DOP1A: variants seen among roughly 807,000 people sequenced by gnomAD.
DOP1A encodes DOP1 leucine zipper like protein A, also known as protein DOP1A.
A neutral mutation model predicts 267.6 loss-of-function variants in DOP1A; 90 were observed. That is an observed-to-expected ratio of 0.34 (90% CI 0.28 to 0.40). The LOEUF (loss-of-function observed/expected upper bound fraction) is 0.40, where lower values mean the gene tolerates loss of function less well. Ranked by LOEUF, DOP1A falls within the 10% of genes least tolerant of loss-of-function variation. The pLI is 1.00. For synonymous variants in DOP1A, 932 were observed against 999.1 expected, an observed-to-expected ratio of 0.93 and a Z score of 1.27; for missense variants, 2,437 against 2,900.4, an observed-to-expected ratio of 0.84 and a Z score of 3.67.
chr6:83,111,757 A>G (rs901420849), intron 6 of DOP1A, among the ~76,000 whole-genome samples: 5 of 152,146 alleles, frequency 3.3e-5, no homozygotes, highest in African/African-American at 1.2e-4. Flanking sequence ...TTCCTTATAT[A>G]TTCTGGATAT....
chr6:83,117,119 T>TTTTATTTTATTTTATTTTA (rs1775571298), intron 7 of DOP1A, among the ~76,000 whole-genome samples: 2 of 131,266 alleles, frequency 1.5e-5, no homozygotes, highest in African/African-American at 5.6e-5. Flanking sequence ...TTTTAGTACT[T>TTTTATTTTATTTTATTTTA]TTTTATTTTA....
At chr6:83,116,414 G>A (rs946551674) in intron 7 of DOP1A, among the ~76,000 whole-genome samples, 7 of 152,146 alleles carry the variant, frequency 4.6e-5, no homozygotes, top group African/African-American at 1.7e-4. Flanking sequence ...TACCAATCAT[G>A]TTTATTACTA....
At chr6:83,119,545 T>G (rs1392737771) in intron 8 of DOP1A, among the ~76,000 whole-genome samples, 1 of 152,112 alleles carries the variant, frequency 6.6e-6, no homozygotes, top group Non-Finnish European at 1.5e-5. Flanking sequence ...AAAAGGATAA[T>G]TCTGGAAGAA....
chr6:83,138,624 A>G lies in DOP1A; in HGVS notation c.4582A>G (p.Ile1528Val). The G allele has an allele frequency of 1.9e-6, 3 of 1,613,906 alleles. No individual in the cohort carries two copies. The highest frequency in any genetic ancestry group is 2.2e-5 in the South Asian group (2 of 91,076). Residue 1528 changes from isoleucine to valine, a missense_variant, in exon 21 of 39, where the codon ATT becomes GTT. Ile to Val is a conservative substitution (Grantham distance 29, BLOSUM62 3). Transcript: ENST00000349129. ...MLSKCKVQKVILHCLLSSIFS... is the reference protein window; with the variant it reads ...MLSKCKVQKVVLHCLLSSIFS... Reference sequence around the variant, plus strand: ...ATCTAAGTGCAAAGTTCAGAAAGTGATTCTTCATTGTTTGCTGTCATCTAT... The same window carrying G: ...ATCTAAGTGCAAAGTTCAGAAAGTGGTTCTTCATTGTTTGCTGTCATCTAT...
rs540777728 is a variant in DOP1A, at chr6:83,148,180, G to A, written c.5733-579G>A. 1.1e-4 allele frequency among the ~76,000 whole-genome samples: 17 copies of A among 152,040 alleles called. No homozygotes were observed. In the South Asian group the frequency reaches 1.5e-3, roughly 13 times the overall value. ...TGTAATCTCAGCACTTTGGGAGGCCGAGGCGGGCGGATCACGAACTCAGGA... is the reference window on the plus strand; with the variant it reads ...TGTAATCTCAGCACTTTGGGAGGCCAAGGCGGGCGGATCACGAACTCAGGA... On this transcript the variant is annotated intron_variant, in intron 26 of 38. Coordinates refer to ENST00000349129, the MANE Select transcript of DOP1A (RefSeq NM_015018.4).
Position 83,154,191 on chromosome 6 carries a change from T to A in DOP1A, c.6401T>A (p.Ile2134Asn), listed in dbSNP as rs1782274667. 6.2e-7 allele frequency: 1 copy of A among 1,613,892 alleles called. No homozygotes were observed. Among genetic ancestry groups the A allele is most frequent in the Non-Finnish European group, 8.5e-7 (1 of 1,179,842 alleles). ...CTTATCTCTTTCAGTTGGAGAGCAATTATGGACAATCTGATGACACATGAT... is the reference window on the plus strand; with the variant it reads ...CTTATCTCTTTCAGTTGGAGAGCAAATATGGACAATCTGATGACACATGAT... ...DASCVNHWRA[I>N]MDNLMTHDKT... The change falls in exon 33 of 39, where the codon ATT becomes AAT. Residue 2134 changes from isoleucine to asparagine, a missense_variant. Physicochemically the swap from Ile to Asn is moderately radical, Grantham distance 149. Transcript: ENST00000349129.
chr6:83,159,692 C>G (rs758416021), intron 36 of DOP1A, 104 bp from the exon 37 acceptor site: 18 of 1,288,456 alleles, frequency 1.4e-5, no homozygotes, highest in Middle Eastern at 1.9e-4. Flanking sequence ...GCACATTTAT[C>G]TCAGGATGAT....
intron 7 of DOP1A, among the ~76,000 whole-genome samples, chr6:83,114,959 C>T (rs1273948110): frequency 2.0e-5 from 3 of 152,130 alleles, no homozygotes; most frequent in South Asian, 4.1e-4. Context: ...AGGATTATGA[C>T]GTAGGTACCT....
chr6:83,125,509 A>C lies in DOP1A; in HGVS notation c.1495A>C (p.Ile499Leu). Residue 499 changes from isoleucine to leucine, a missense_variant, in exon 15 of 39, where the codon ATT becomes CTT. By Grantham distance (5) the Ile-to-Leu change is conservative. Transcript: ENST00000349129. ...SMRVLCQETY[I>L]EIQTEHLPQL... Reference sequence around the variant, plus strand: ...TCACTTTTATTTTCAGGAGACTTACATTGAAATCCAGACAGAACACTTGCC... The same window carrying C: ...TCACTTTTATTTTCAGGAGACTTACCTTGAAATCCAGACAGAACACTTGCC... The C allele has an allele frequency of 2.5e-6, 4 of 1,613,020 alleles. No homozygotes were observed. The highest frequency in any genetic ancestry group is 3.4e-6 in the Non-Finnish European group (4 of 1,179,532).
chr6:83,153,558 G>A lies in DOP1A; in HGVS notation c.6177G>A (p.Glu2059=). The A allele has an allele frequency of 6.2e-7, 1 of 1,610,054 alleles. No individual in the cohort carries two copies. The highest frequency in any genetic ancestry group is 8.5e-7 in the Non-Finnish European group (1 of 1,178,380). The change falls in exon 31 of 39, where the codon GAG becomes GAA. Residue 2059 remains glutamate (E), a synonymous_variant. Transcript: ENST00000349129. ...LDMVFYSDEK[E]RVIPLLVNIM... ...TGGTTTTCTATAGTGATGAAAAGGAGCGGGTTATTCCTTTACTTGTAAATA... is the reference window on the plus strand; with the variant it reads ...TGGTTTTCTATAGTGATGAAAAGGAACGGGTTATTCCTTTACTTGTAAATA...
chr6:83,101,979 T>A (rs1286857723), intron 4 of DOP1A, among the ~76,000 whole-genome samples: 1 of 152,192 alleles, frequency 6.6e-6, no homozygotes, highest in Admixed American at 6.6e-5. Context: ...TCATCTGACA[T>A]TTCCCATTTT....
Position 83,138,520 on chromosome 6 carries a change from T to A in DOP1A, c.4478T>A (p.Leu1493Gln), listed in dbSNP as rs755899609. The change falls in exon 21 of 39, where the codon CTG (leucine) becomes CAG (glutamine). Residue 1493 changes from leucine to glutamine, a missense_variant. Coordinates refer to ENST00000349129, the MANE Select transcript of DOP1A (RefSeq NM_015018.4). ...RNMQMMSIEI[L>Q]TLLFTELAKV... ...ATGCAAATGATGAGCATAGAAATTCTGACACTACTCTTCACTGAGCTGGCA... is the reference window on the plus strand; with the variant it reads ...ATGCAAATGATGAGCATAGAAATTCAGACACTACTCTTCACTGAGCTGGCA... The A allele has an allele frequency of 6.2e-7, 1 of 1,613,808 alleles. No homozygotes were observed. The highest frequency in any genetic ancestry group is 1.7e-5 in the Admixed American group (1 of 60,006).
intron 33 of DOP1A, 130 bp from the exon 34 acceptor site, chr6:83,155,821 G>A (rs1028060673): frequency 1.9e-6 from 2 of 1,047,104 alleles, no homozygotes; most frequent in South Asian, 1.8e-5. Context: ...CCCCAGAGAG[G>A]GGCATCAAGT....
chr6:83,089,739 A>G (rs532337661), intron 1 of DOP1A, among the ~76,000 whole-genome samples: 1 of 152,282 alleles, frequency 6.6e-6, no homozygotes, highest in South Asian at 2.1e-4. Context: ...GTTGCAGGTT[A>G]TTGAGAGGAG....
Position 83,137,279 on chromosome 6 carries a change from T to G in DOP1A, c.3237T>G (p.Leu1079=). Residue 1079 remains leucine, a synonymous_variant, in exon 21 of 39, where the codon CTT becomes CTG. Transcript: ENST00000349129. ...SLTVNPLSDR[L]SLLSTSSETI... ...CTGTGAATCCATTAAGTGACAGACTTTCCCTCCTAAGTACCAGCAGTGAGA... is the reference window on the plus strand; with the variant it reads ...CTGTGAATCCATTAAGTGACAGACTGTCCCTCCTAAGTACCAGCAGTGAGA... 6.2e-7 allele frequency: 1 copy of G among 1,613,714 alleles called. No individual in the cohort carries two copies. The highest frequency in any genetic ancestry group is 1.3e-5 in the African/African-American group (1 of 75,016).
intron 1 of DOP1A, among the ~76,000 whole-genome samples, chr6:83,084,441 A>G (rs1768702234): frequency 6.6e-6 from 1 of 152,242 alleles, no homozygotes; most frequent in Admixed American, 6.5e-5. Flanking sequence ...CCATCAAGCA[A>G]TGCATGACTA....
At position 83,077,913 on chromosome 6, in the gene DOP1A, C is replaced by T. The variant is rs1402796956; in HGVS notation, c.-147+10134C>T. On this transcript the variant is annotated intron_variant, in intron 1 of 38. Transcript: ENST00000349129. ...TCTCTTAATGTTTTAAGAAAGTTTACGAATTTCTTGGGCCACATTCAAAAC... is the reference window on the plus strand; with the variant it reads ...TCTCTTAATGTTTTAAGAAAGTTTATGAATTTCTTGGGCCACATTCAAAAC... 4.6e-5 allele frequency among the ~76,000 whole-genome samples: 7 copies of T among 152,182 alleles called. No individual in the cohort carries two copies. The South Asian group carries it at 6.2e-4, about 14-fold the overall frequency.
rs1226943494 is a variant in DOP1A, at chr6:83,160,053, A to G, written c.6962+93A>G. On this transcript the variant is annotated intron_variant, in intron 37 of 38. Coordinates refer to ENST00000349129, the MANE Select transcript of DOP1A (RefSeq NM_015018.4). ...TGACTAATTAAAAAGTTTTTTGTGT[A>G]AGTTGAAATATTCCTAATTTTTACT... The G allele has an allele frequency of 3.4e-6, 4 of 1,193,292 alleles. No individual in the cohort carries two copies. In the African/African-American group the frequency reaches 4.6e-5, roughly 14 times the overall value. The allele number at this position is 1,193,292 out of a possible 1,614,324, so 73.9% of individuals were successfully genotyped here. A position where few individuals can be genotyped will look rare whatever the true frequency, so the allele number is the denominator to read the frequency against.
At chr6:83,125,243 G>C in intron 14 of DOP1A, 48 bp downstream of exon 14, 1 of 1,517,644 alleles carries the variant, frequency 6.6e-7, no homozygotes, top group East Asian at 2.3e-5. Context: ...ATTTACTTTT[G>C]TTATATTATA....
Sources: gnomAD v4.1 joint callset for allele counts (sites outside exome capture counted in the v4.1 genomes callset) on GRCh38, gnomAD v4.1.1 for gene constraint, MANE v1.5 for transcripts, NCBI Gene and HGNC (gene_info 2026-07-23, HGNC 2026-07-21) for gene names.